GIGYF2: variants seen among roughly 807,000 people sequenced by gnomAD.
GIGYF2 encodes GRB10 interacting GYF protein 2, also known as GRB10-interacting GYF protein 2.
A neutral mutation model predicts 208.1 loss-of-function variants in GIGYF2; 25 were observed. That is an observed-to-expected ratio of 0.12 (90% CI 0.09 to 0.17). GIGYF2 has a LOEUF of 0.17. Ranked by LOEUF, GIGYF2 falls within the 10% of genes least tolerant of loss-of-function variation. GIGYF2 has a pLI of 1.00. For missense variants in GIGYF2, 1,302 were observed against 1,579.4 expected (o/e 0.82, Z 2.98); for synonymous variants, 534 against 543.8 (o/e 0.98, Z 0.25).
intron 2 of GIGYF2, chr2:232,705,851 G>A (rs902195222): frequency 1.5e-4 from 23 of 152,218 alleles, no homozygotes; most frequent in African/African-American, 5.5e-4. Flanking sequence ...TTGCAGGTGT[G>A]TGCTACCACA....
intron 3 of GIGYF2, among the ~76,000 whole-genome samples, chr2:232,740,129 C>T (rs1012272558): frequency 2.0e-5 from 3 of 151,750 alleles, no homozygotes; most frequent in East Asian, 1.9e-4. Context: ...AGCAAACGAA[C>T]GAATATTTGG....
At chr2:232,810,940 A>G (rs1236648615) in intron 16 of GIGYF2, 3 of 298,368 alleles carry the variant, frequency 1.0e-5, no homozygotes, top group African/African-American at 2.2e-5. Flanking sequence ...GAGTTTACCA[A>G]TTTTTGACAT....
chr2:232,813,218 CTTGCACTG>C (rs1369213356), intron 18 of GIGYF2, among the ~76,000 whole-genome samples: 2 of 134,182 alleles, frequency 1.5e-5, no homozygotes, highest in African/African-American at 5.8e-5. Context: ...GAGACAGACT[CTTGCACTG>C]TTGCCCGGGC....
chr2:232,776,221 T>TAAAA (rs2106347286), intron 8 of GIGYF2, among the ~76,000 whole-genome samples: 1 of 152,340 alleles, frequency 6.6e-6, no homozygotes, highest in South Asian at 2.1e-4. Flanking sequence ...ATACATTTAA[T>TAAAA]AAAACAGTTA....
intron 14 of GIGYF2, among the ~76,000 whole-genome samples, chr2:232,802,976 T>C (rs1180746594): frequency 6.6e-6 from 1 of 151,692 alleles, no homozygotes; most frequent in Non-Finnish European, 1.5e-5. Context: ...CTCAGCCCAC[T>C]GCAACCGCTG....
chr2:232,826,456 G>A (rs939977909), intron 21 of GIGYF2, among the ~76,000 whole-genome samples: 2 of 152,168 alleles, frequency 1.3e-5, no homozygotes, highest in African/African-American at 2.4e-5. Context: ...GATGACCAGT[G>A]ATGATGAGCA....
chr2:232,820,697 A>G (rs924351177), intron 21 of GIGYF2, among the ~76,000 whole-genome samples: 4 of 152,202 alleles, frequency 2.6e-5, no homozygotes, highest in Admixed American at 6.5e-5. Context: ...GCCTGTGGAT[A>G]TCTAGTTTTC....
intron 16 of GIGYF2, 73 bp downstream of exon 16, chr2:232,809,884 C>A: frequency 2.3e-6 from 2 of 888,018 alleles, no homozygotes; most frequent in Non-Finnish European, 3.9e-6. Flanking sequence ...TCTCAAGTCT[C>A]ACCTTTTACA....
chr2:232,840,067 G>T, intron 23 of GIGYF2, 96 bp downstream of exon 23: 2 of 1,274,434 alleles, frequency 1.6e-6, no homozygotes, highest in Non-Finnish European at 2.3e-6. Context: ...ATTACTGTCA[G>T]AATTGTTGTG....
intron 23 of GIGYF2, among the ~76,000 whole-genome samples, chr2:232,843,600 A>G (rs1175660899): frequency 6.8e-6 from 1 of 147,174 alleles, no homozygotes; most frequent in East Asian, 2.0e-4. Flanking sequence ...GAGGCCGGGC[A>G]CTGTGGCTCA....
rs141010921 is a variant in GIGYF2, at chr2:232,860,350, A to T, written c.*3490A>T. Reference sequence around the variant, plus strand: ...TGGTACTTCTGGCTTTATTTAAATAATTTTTTTAGGGAAACCATTGTATTT... The same window carrying T: ...TGGTACTTCTGGCTTTATTTAAATATTTTTTTTAGGGAAACCATTGTATTT... On this transcript the variant is annotated 3_prime_UTR_variant, in exon 29 of 29. Coordinates refer to ENST00000373563, the MANE Select transcript of GIGYF2 (RefSeq NM_001103146.3). 7.3e-5 allele frequency: 11 copies of T among 151,190 alleles called. No individual in the cohort carries two copies. The East Asian group carries it at 1.9e-3, about 27-fold the overall frequency. The allele number at this position is 151,190 out of a possible 1,614,324, so 9.4% of individuals were successfully genotyped here.
chr2:232,766,295 C>A (rs1698961129), intron 8 of GIGYF2, among the ~76,000 whole-genome samples: 1 of 151,860 alleles, frequency 6.6e-6, no homozygotes, highest in African/African-American at 2.4e-5. Context: ...TTTTCAAATG[C>A]CAAATTTATT....
chr2:232,847,633 C>A, intron 27 of GIGYF2, 62 bp downstream of exon 27: 1 of 1,593,202 alleles, frequency 6.3e-7, no homozygotes, highest in East Asian at 2.2e-5. Context: ...TGTTGAGTAA[C>A]CCAAGAAATG....
intron 21 of GIGYF2, among the ~76,000 whole-genome samples, chr2:232,821,281 C>A (rs983707295): frequency 6.6e-6 from 1 of 152,218 alleles, no homozygotes; most frequent in Non-Finnish European, 1.5e-5. Context: ...TGACTTACTG[C>A]AGCCTCTGCC....
intron 8 of GIGYF2, chr2:232,767,129 A>G (rs1461558004): frequency 1.3e-5 from 2 of 152,148 alleles, no homozygotes; most frequent in African/African-American, 4.8e-5. Context: ...ATCTAGTCCA[A>G]CCTCCTACTG....
intron 2 of GIGYF2, among the ~76,000 whole-genome samples, chr2:232,705,017 G>A (rs1042427585): frequency 2.6e-5 from 4 of 151,566 alleles, no homozygotes; most frequent in African/African-American, 9.7e-5. Flanking sequence ...CCGCCACCAC[G>A]CCCGGCCAAT....
At chr2:232,830,586 A>G (rs1165728648) in intron 21 of GIGYF2, among the ~76,000 whole-genome samples, 2 of 152,228 alleles carry the variant, frequency 1.3e-5, no homozygotes, top group African/African-American at 4.8e-5. Context: ...GTTACAACTA[A>G]TAAACTGGTG....
chr2:232,827,315 C>A (rs1701283017), intron 21 of GIGYF2, among the ~76,000 whole-genome samples: 1 of 152,178 alleles, frequency 6.6e-6, no homozygotes, highest in Admixed American at 6.5e-5. Flanking sequence ...TTATTGCGAT[C>A]TTCACTTTAT....
intron 14 of GIGYF2, among the ~76,000 whole-genome samples, chr2:232,801,587 A>G (rs1700402014): frequency 6.6e-6 from 1 of 152,234 alleles, no homozygotes; most frequent in Non-Finnish European, 1.5e-5. Flanking sequence ...CATATTATGG[A>G]TGGCTAAGTC....
Sources: gnomAD v4.1 joint callset for allele counts (sites outside exome capture counted in the v4.1 genomes callset) on GRCh38, gnomAD v4.1.1 for gene constraint, MANE v1.5 for transcripts, NCBI Gene and HGNC (gene_info 2026-07-23, HGNC 2026-07-21) for gene names.